The following L3MBTL4 variants were observed in gnomAD, a reference collection of about 807,000 sequenced individuals.
L3MBTL4 encodes L3MBTL histone methyl-lysine binding protein 4.
In L3MBTL4, 70 loss-of-function variants were observed where a neutral mutation model predicts 84.5. The ratio of observed to expected loss-of-function variants is 0.83; its 90% CI spans 0.68 to 1.01. The LOEUF (loss-of-function observed/expected upper bound fraction) is 1.01, where lower values mean the gene tolerates loss of function less well. Among genes scored for constraint, L3MBTL4 ranks in the 50% least tolerant of loss-of-function variants. The probability of loss-of-function intolerance (pLI) is 0.00; values close to 1 mark genes in which losing one functional copy is unlikely to be tolerated. For synonymous variants in L3MBTL4, 274 were observed against 259.8 expected (o/e 1.05, Z -0.52); for missense variants, 715 against 754.8 (o/e 0.95, Z 0.62).
At chr18:6,011,974 T>C (rs1198750589) in intron 16 of L3MBTL4, among the ~76,000 whole-genome samples, 1 of 152,240 alleles carries the variant, frequency 6.6e-6, no homozygotes, top group African/African-American at 2.4e-5. Context: ...ACTTTGCTTC[T>C]GGACAGAAAC....
intron 1 of L3MBTL4, among the ~76,000 whole-genome samples, chr18:6,378,180 G>A (rs139063081): frequency 6.6e-6 from 1 of 151,938 alleles, no homozygotes; most frequent in Non-Finnish European, 1.5e-5. Flanking sequence ...TTTTTTTCTT[G>A]TAAATTTGTT....
chr18:6,319,786 G>A (rs2147041956), intron 1 of L3MBTL4, among the ~76,000 whole-genome samples: 1 of 152,076 alleles, frequency 6.6e-6, no homozygotes, highest in Non-Finnish European at 1.5e-5. Context: ...TAGGAAACCA[G>A]TAACACTGAT....
At chr18:6,406,249 G>T (rs557378448) in intron 1 of L3MBTL4, among the ~76,000 whole-genome samples, 2 of 152,250 alleles carry the variant, frequency 1.3e-5, no homozygotes, top group South Asian at 4.1e-4. Flanking sequence ...TGGGCAAATT[G>T]GTCTTCAAAC....
chr18:6,072,697 CA>C (rs60257178), intron 16 of L3MBTL4, among the ~76,000 whole-genome samples: 51,657 of 142,808 alleles, frequency 0.36, 9,770 homozygotes, highest in East Asian at 0.64. Flanking sequence ...CACACACACA[CA>C]AAAAAAAATT....
intron 1 of L3MBTL4, among the ~76,000 whole-genome samples, chr18:6,391,111 AC>A (rs2055031786): frequency 6.6e-6 from 1 of 152,188 alleles, no homozygotes; most frequent in Non-Finnish European, 1.5e-5. Flanking sequence ...ATTGAATCCA[AC>A]AGCACATCAA....
At chr18:6,399,951 C>G (rs1295497855) in intron 1 of L3MBTL4, 1 of 152,060 alleles carries the variant, frequency 6.6e-6, no homozygotes, top group Non-Finnish European at 1.5e-5. Context: ...CCACTAATAA[C>G]TCTGACCTTG....
intron 1 of L3MBTL4, among the ~76,000 whole-genome samples, chr18:6,315,558 C>T (rs1404187031): frequency 2.6e-5 from 4 of 152,210 alleles, no homozygotes; most frequent in Non-Finnish European, 5.9e-5. Context: ...GGTTAAGTAA[C>T]TTGTCCAAGG....
At chr18:6,160,870 T>G (rs2144997434) in intron 13 of L3MBTL4, among the ~76,000 whole-genome samples, 1 of 152,262 alleles carries the variant, frequency 6.6e-6, no homozygotes, top group East Asian at 1.9e-4. Flanking sequence ...GACATCCCAT[T>G]GTCCAATGGA....
intron 1 of L3MBTL4, among the ~76,000 whole-genome samples, chr18:6,346,416 G>A (rs1011744744): frequency 2.0e-5 from 3 of 151,718 alleles, no homozygotes; most frequent in African/African-American, 7.3e-5. Context: ...CCTATGAAAT[G>A]GGAGAAAATA....
At chr18:5,987,954 C>A (rs1346823137) in intron 16 of L3MBTL4, among the ~76,000 whole-genome samples, 2 of 151,654 alleles carry the variant, frequency 1.3e-5, no homozygotes, top group Non-Finnish European at 2.9e-5. Context: ...AGAGACGAAG[C>A]TCTGCTAATG....
intron 16 of L3MBTL4, among the ~76,000 whole-genome samples, chr18:6,057,677 A>C (rs542944111): frequency 7.2e-5 from 11 of 152,224 alleles, no homozygotes; most frequent in Non-Finnish European, 1.5e-4. Flanking sequence ...AAAACAAATC[A>C]ACAATGAAAA....
At chr18:6,046,816 T>A (rs924450545) in intron 16 of L3MBTL4, 17 of 747,734 alleles carry the variant, frequency 2.3e-5, no homozygotes, top group Admixed American at 9.8e-5. Flanking sequence ...GATCTCAAAC[T>A]AACAATCTAA....
At chr18:6,167,793 C>T (rs1209154530) in intron 13 of L3MBTL4, among the ~76,000 whole-genome samples, 2 of 152,196 alleles carry the variant, frequency 1.3e-5, no homozygotes, top group South Asian at 2.1e-4. Flanking sequence ...TCTCTCACCA[C>T]TCCTATTCAA....
At chr18:6,124,356 A>T (rs2059619412) in intron 14 of L3MBTL4, among the ~76,000 whole-genome samples, 1 of 151,288 alleles carries the variant, frequency 6.6e-6, no homozygotes, top group Non-Finnish European at 1.5e-5. Flanking sequence ...AGAAAAGAGT[A>T]TTAGAGGTAA....
At chr18:6,389,732 C>G (rs1221133432) in intron 1 of L3MBTL4, among the ~76,000 whole-genome samples, 1 of 152,088 alleles carries the variant, frequency 6.6e-6, no homozygotes, top group East Asian at 1.9e-4. Flanking sequence ...GATAAACGGA[C>G]TAGTCCAACA....
At chr18:6,060,689 T>C (rs987255565) in intron 16 of L3MBTL4, among the ~76,000 whole-genome samples, 5 of 152,176 alleles carry the variant, frequency 3.3e-5, no homozygotes, top group Non-Finnish European at 5.9e-5. Context: ...TATTGTCTTT[T>C]TGCTATCTCT....
intron 16 of L3MBTL4, among the ~76,000 whole-genome samples, chr18:6,041,959 G>A (rs2056422293): frequency 6.6e-6 from 1 of 152,044 alleles, no homozygotes; most frequent in South Asian, 2.1e-4. Flanking sequence ...TTGGCTTCAA[G>A]TGATCCTCCT....
At chr18:6,043,149 C>G (rs2056473888) in intron 16 of L3MBTL4, among the ~76,000 whole-genome samples, 1 of 152,194 alleles carries the variant, frequency 6.6e-6, no homozygotes, top group African/African-American at 2.4e-5. Flanking sequence ...TTCTATACCA[C>G]TGCACAAGTC....
At chr18:6,385,737 CT>C (rs1239073262) in intron 1 of L3MBTL4, among the ~76,000 whole-genome samples, 2 of 152,190 alleles carry the variant, frequency 1.3e-5, no homozygotes, top group Admixed American at 6.5e-5. Flanking sequence ...CCCAACATTA[CT>C]TTCAGAATGC....
Sources: gnomAD v4.1 joint callset for allele counts (sites outside exome capture counted in the v4.1 genomes callset) on GRCh38, gnomAD v4.1.1 for gene constraint, MANE v1.5 for transcripts, NCBI Gene and HGNC (gene_info 2026-07-23, HGNC 2026-07-21) for gene names.